The following FAM163A variants were observed in gnomAD, a reference collection of about 807,000 sequenced individuals.
The protein encoded by FAM163A is family with sequence similarity 163 member A, also known as protein FAM163A.
In FAM163A, 7 loss-of-function variants were observed where a neutral mutation model predicts 12.0. That is an observed-to-expected ratio of 0.58 (90% CI 0.33 to 1.10). The LOEUF is 1.10. FAM163A is among the 50% of genes least tolerant of loss of function. FAM163A has a pLI of 0.03. For synonymous variants in FAM163A, 101 were observed against 91.0 expected (o/e 1.11, Z -0.62); for missense variants, 202 against 218.6 (o/e 0.92, Z 0.48).
At chr1:179,801,938 T>A (rs940627761) in intron 1 of FAM163A, among the ~76,000 whole-genome samples, 1 of 152,160 alleles carries the variant, frequency 6.6e-6, no homozygotes, top group Non-Finnish European at 1.5e-5. Flanking sequence ...TACCTGTGTA[T>A]CAATAAATGC....
At chr1:179,744,681 C>G (rs1268398636) in intron 1 of FAM163A, among the ~76,000 whole-genome samples, 1 of 152,164 alleles carries the variant, frequency 6.6e-6, no homozygotes, top group Non-Finnish European at 1.5e-5. Context: ...ATCCAACCTG[C>G]AGGCGGAGGC....
chr1:179,774,334 T>TG (rs1688660060), intron 1 of FAM163A, among the ~76,000 whole-genome samples: 1 of 152,194 alleles, frequency 6.6e-6, no homozygotes, highest in Admixed American at 6.5e-5. Context: ...GAGAGGCTTC[T>TG]GGGGTTACAG....
chr1:179,803,228 G>A lies in FAM163A; in HGVS notation c.-135-4570G>A, dbSNP rs1693433431. Among the ~76,000 whole-genome samples the A allele has an allele frequency of 5.3e-5, 8 of 152,316 alleles. No homozygotes were observed. In the South Asian group the frequency reaches 1.7e-3, roughly 32 times the overall value. ...ATAAATGATTAGAGAAGGCTTAATT[G>A]CATCAGAGAAATTGAGATCAGCTGG... On this transcript the variant is annotated intron_variant, in intron 1 of 4. Coordinates refer to ENST00000341785, the MANE Select transcript of FAM163A (RefSeq NM_173509.3).
rs143301003 is a variant in FAM163A, at chr1:179,809,375, C to T, written c.-45+1487C>T. The stretch of plus-strand genomic sequence containing the variant: ...GAGGCAAGCCTTGGTTACGATTCCT[C>T]GCAATCCTACTGGCAAGGGAGACGT... On this transcript the variant is annotated intron_variant, in intron 2 of 4. Transcript: ENST00000341785. Among the ~76,000 whole-genome samples, 6 of 152,308 alleles carry T rather than the reference C, an allele frequency of 3.9e-5. No homozygotes were observed. The East Asian group carries it at 9.6e-4, about 24-fold the overall frequency.
chr1:179,803,260 G>A (rs565530127), intron 1 of FAM163A, among the ~76,000 whole-genome samples: 5 of 152,286 alleles, frequency 3.3e-5, no homozygotes, highest in Admixed American at 3.3e-4. Flanking sequence ...CTGGTGCTTA[G>A]GCCCCACTCA....
intron 1 of FAM163A, among the ~76,000 whole-genome samples, chr1:179,789,464 G>C (rs548994111): frequency 6.6e-6 from 1 of 152,226 alleles, no homozygotes; most frequent in Non-Finnish European, 1.5e-5. Context: ...TTACAGGCGT[G>C]AGCCACCGCC....
chr1:179,733,200 A>C, the FAM163A span, among the ~76,000 whole-genome samples: 2 of 151,754 alleles, frequency 1.3e-5, no homozygotes, highest in African/African-American at 2.4e-5. Context: ...GGGAGTATTT[A>C]TTTCCCTTTT....
intron 4 of FAM163A, 24 bp downstream of exon 4, chr1:179,813,214 A>G: frequency 6.5e-7 from 1 of 1,547,342 alleles, no homozygotes; most frequent in Non-Finnish European, 8.7e-7. Context: ...ACCCGTAGCC[A>G]GAGGCTGCCA....
chr1:179,740,528 C>A (rs541952103), upstream of FAM163A, among the ~76,000 whole-genome samples: 2 of 151,960 alleles, frequency 1.3e-5, no homozygotes, highest in South Asian at 4.2e-4. Context: ...ACATGCATAC[C>A]ATGAAATACT....
chr1:179,801,769 G>A (rs1693212884), intron 1 of FAM163A, among the ~76,000 whole-genome samples: 1 of 152,220 alleles, frequency 6.6e-6, no homozygotes, highest in African/African-American at 2.4e-5. Flanking sequence ...AGCACTCTGT[G>A]CAAAGCAACT....
chr1:179,814,235 C>A lies in FAM163A; in HGVS notation c.*46C>A. The stretch of plus-strand genomic sequence containing the variant: ...ACACACACCCACACTGCTGCCCTGG[C>A]GGGGGCCATGGGGGTGATGAATGAC... On this transcript the variant is annotated 3_prime_UTR_variant, in exon 5 of 5. Transcript: ENST00000341785. The A allele has an allele frequency of 6.5e-7, 1 of 1,546,876 alleles. No individual in the cohort carries two copies. The highest frequency in any genetic ancestry group is 8.7e-7 in the Non-Finnish European group (1 of 1,145,546).
At chr1:179,755,069 G>A (rs1485758480) in intron 1 of FAM163A, among the ~76,000 whole-genome samples, 3 of 151,718 alleles carry the variant, frequency 2.0e-5, no homozygotes, top group Non-Finnish European at 2.9e-5. Context: ...CCCAGGAGGC[G>A]GAGGTTGCAG....
intron 1 of FAM163A, among the ~76,000 whole-genome samples, chr1:179,766,267 C>T (rs140034824): frequency 1.1e-4 from 16 of 152,312 alleles, no homozygotes; most frequent in African/African-American, 3.4e-4. Flanking sequence ...ACTTGCCCTC[C>T]GCTTTCCCAT....
intron 1 of FAM163A, among the ~76,000 whole-genome samples, chr1:179,757,266 G>T (rs796168703): frequency 5.3e-5 from 8 of 152,328 alleles, no homozygotes; most frequent in African/African-American, 1.9e-4. Context: ...GGGGAGAGGG[G>T]AAAGCACAGG....
At chr1:179,762,986 T>C (rs1557909904) in intron 1 of FAM163A, among the ~76,000 whole-genome samples, 1 of 152,146 alleles carries the variant, frequency 6.6e-6, no homozygotes, top group Non-Finnish European at 1.5e-5. Context: ...TTTGTCAACA[T>C]GTATACTTCA....
chr1:179,810,900 C>T (rs1162134241), intron 2 of FAM163A, among the ~76,000 whole-genome samples: 1 of 151,942 alleles, frequency 6.6e-6, no homozygotes, highest in Non-Finnish European at 1.5e-5. Flanking sequence ...AAAATTAGCC[C>T]GGTGTGGGGT....
At chr1:179,773,585 G>A (rs1466235610) in intron 1 of FAM163A, among the ~76,000 whole-genome samples, 1 of 152,150 alleles carries the variant, frequency 6.6e-6, no homozygotes, top group African/African-American at 2.4e-5. Flanking sequence ...AAGGGGAGGT[G>A]TCATAAGCAA....
chr1:179,800,830 T>C (rs1693067077), intron 1 of FAM163A, among the ~76,000 whole-genome samples: 2 of 152,196 alleles, frequency 1.3e-5, no homozygotes, highest in Admixed American at 1.3e-4. Context: ...CTGAGGTTCA[T>C]GTTCTGTTCT....
intron 1 of FAM163A, among the ~76,000 whole-genome samples, chr1:179,755,196 A>G (rs1172064985): frequency 6.6e-6 from 1 of 151,400 alleles, no homozygotes; most frequent in African/African-American, 2.4e-5. Context: ...TGGTCAGTGA[A>G]GAATAGTTTG....
Sources: gnomAD v4.1 joint callset for allele counts (sites outside exome capture counted in the v4.1 genomes callset) on GRCh38, gnomAD v4.1.1 for gene constraint, MANE v1.5 for transcripts, NCBI Gene and HGNC (gene_info 2026-07-23, HGNC 2026-07-21) for gene names.